Variants in TRAF3 observed in about 807,000 individuals in gnomAD.
The protein encoded by TRAF3 is TNF receptor-associated factor 3.
Under a neutral mutation model 62.3 loss-of-function variants are expected in TRAF3, and 13 were observed. That is an observed-to-expected ratio of 0.21 (90% CI 0.14 to 0.33). The LOEUF (loss-of-function observed/expected upper bound fraction) is 0.33. TRAF3 is among the 10% of genes least tolerant of loss of function. TRAF3 has a pLI of 1.00. For synonymous variants in TRAF3, 269 were observed against 283.4 expected (o/e 0.95, Z 0.51); for missense variants, 440 against 741.8 (o/e 0.59, Z 4.73).
chr14:102,878,712 G>T (rs372629897), intron 6 of TRAF3, among the ~76,000 whole-genome samples: 4 of 152,184 alleles, frequency 2.6e-5, no homozygotes, highest in Non-Finnish European at 5.9e-5. Context: ...AAGGGACAGT[G>T]GGGGAGCATG....
intron 2 of TRAF3, among the ~76,000 whole-genome samples, chr14:102,854,490 T>TTATA (rs1249821080): frequency 6.6e-6 from 1 of 152,222 alleles, no homozygotes; most frequent in Admixed American, 6.5e-5. Flanking sequence ...GACTAAGTGG[T>TTATA]TATAGTAGGT....
At chr14:102,882,571 T>TG (rs1467500143) in intron 6 of TRAF3, among the ~76,000 whole-genome samples, 2 of 150,930 alleles carry the variant, frequency 1.3e-5, no homozygotes, top group African/African-American at 2.5e-5. Context: ...TATTTTGTTT[T>TG]TTTTTTTTTT....
intron 1 of TRAF3, among the ~76,000 whole-genome samples, chr14:102,823,979 TC>T (rs796692967): frequency 1.2e-4 from 19 of 152,380 alleles, no homozygotes; most frequent in African/African-American, 4.1e-4. Flanking sequence ...GTGTGGATGT[TC>T]CACATTTTAT....
chr14:102,810,535 G>T (rs1330804645), intron 1 of TRAF3: 1 of 152,224 alleles, frequency 6.6e-6, no homozygotes, highest in Non-Finnish European at 1.5e-5. Context: ...TTCTTCAGAA[G>T]TGTTTGCAGT....
At chr14:102,839,460 T>C (rs1886244323) in intron 2 of TRAF3, among the ~76,000 whole-genome samples, 1 of 152,184 alleles carries the variant, frequency 6.6e-6, no homozygotes, top group Non-Finnish European at 1.5e-5. Flanking sequence ...CCTCAAGTGA[T>C]CCGCCCATCT....
chr14:102,806,004 A>G (rs1898749824), intron 1 of TRAF3, among the ~76,000 whole-genome samples: 1 of 94,528 alleles, frequency 1.1e-5, no homozygotes, highest in Admixed American at 1.6e-4. Context: ...TCATCCAGAG[A>G]TGGAGTTGGT....
chr14:102,851,547 A>G (rs1555371890), intron 2 of TRAF3, among the ~76,000 whole-genome samples: 1 of 152,200 alleles, frequency 6.6e-6, no homozygotes, highest in Non-Finnish European at 1.5e-5. Context: ...GATTGAGACC[A>G]TCCTGGCCAA....
At chr14:102,905,165 T>C (rs1477702462) in intron 11 of TRAF3, 48 bp from the exon 12 acceptor site, 1 of 1,569,010 alleles carries the variant, frequency 6.4e-7, no homozygotes, top group Non-Finnish European at 8.7e-7. Flanking sequence ...TCCTAACCTC[T>C]CTGACGTTCA....
intron 2 of TRAF3, among the ~76,000 whole-genome samples, chr14:102,844,389 T>C (rs1006425530): frequency 1.3e-5 from 2 of 152,232 alleles, no homozygotes; most frequent in Admixed American, 6.5e-5. Flanking sequence ...CCTTCATGTG[T>C]TCAGGTTCTT....
At chr14:102,871,624 G>A (rs2139834447) in intron 3 of TRAF3, among the ~76,000 whole-genome samples, 1 of 152,368 alleles carries the variant, frequency 6.6e-6, no homozygotes. Context: ...GCTAGCTTTG[G>A]TTTCTGAAAT....
At chr14:102,805,340 A>C (rs778394085) in intron 1 of TRAF3, among the ~76,000 whole-genome samples, 51 of 152,204 alleles carry the variant, frequency 3.4e-4, no homozygotes, top group Non-Finnish European at 6.3e-4. Context: ...TCTGATACTA[A>C]AAATGTCCCA....
intron 1 of TRAF3, among the ~76,000 whole-genome samples, chr14:102,805,399 G>A (rs1011821194): frequency 6.6e-6 from 1 of 152,210 alleles, no homozygotes; most frequent in Non-Finnish European, 1.5e-5. Flanking sequence ...GGAGAGCGAT[G>A]TGCATAAAGA....
chr14:102,825,759 T>A (rs910424033), intron 1 of TRAF3, among the ~76,000 whole-genome samples: 2 of 152,352 alleles, frequency 1.3e-5, no homozygotes, highest in South Asian at 4.1e-4. Flanking sequence ...GTCAGAGTTC[T>A]TCTGGAACTT....
chr14:102,853,446 A>T (rs775384067), intron 2 of TRAF3, among the ~76,000 whole-genome samples: 3 of 152,162 alleles, frequency 2.0e-5, no homozygotes, highest in Non-Finnish European at 4.4e-5. Context: ...CCCACGAAAA[A>T]AATTGTAAAC....
intron 2 of TRAF3, among the ~76,000 whole-genome samples, chr14:102,863,698 C>T (rs1015242745): frequency 3.3e-5 from 5 of 152,196 alleles, no homozygotes; most frequent in Admixed American, 6.5e-5. Flanking sequence ...GCTTTTCTTC[C>T]CAAGCTTTTG....
chr14:102,862,602 T>G (rs1887745797), intron 2 of TRAF3, among the ~76,000 whole-genome samples: 1 of 152,184 alleles, frequency 6.6e-6, no homozygotes, highest in African/African-American at 2.4e-5. Flanking sequence ...TCTTTGAATT[T>G]ATCCTACTTG....
intron 2 of TRAF3, among the ~76,000 whole-genome samples, chr14:102,851,940 A>C (rs1440381398): frequency 6.6e-6 from 1 of 151,450 alleles, no homozygotes; most frequent in African/African-American, 2.4e-5. Context: ...CTGTAGTCCC[A>C]GCTGGTTGGG....
At chr14:102,813,829 AT>A (rs1899350697) in intron 1 of TRAF3, among the ~76,000 whole-genome samples, 1 of 151,872 alleles carries the variant, frequency 6.6e-6, no homozygotes, top group South Asian at 2.1e-4. Context: ...CCCCTGTTGG[AT>A]GAATAGTTCG....
intron 1 of TRAF3, among the ~76,000 whole-genome samples, chr14:102,795,081 A>G (rs1897998868): frequency 6.6e-6 from 1 of 152,210 alleles, no homozygotes; most frequent in Non-Finnish European, 1.5e-5. Flanking sequence ...CCTTTACTCT[A>G]GATCATTCTA....
Sources: gnomAD v4.1 joint callset for allele counts (sites outside exome capture counted in the v4.1 genomes callset) on GRCh38, gnomAD v4.1.1 for gene constraint, MANE v1.5 for transcripts, NCBI Gene and HGNC (gene_info 2026-07-23, HGNC 2026-07-21) for gene names.